Variants in ZMYND8 observed in about 807,000 individuals in gnomAD.
ZMYND8 encodes the protein MYND-type zinc finger-containing chromatin reader ZMYND8.
A neutral mutation model predicts 140.8 loss-of-function variants in ZMYND8; 37 were observed. The observed-to-expected ratio is 0.26, with a 90% CI of 0.20 to 0.35. ZMYND8 has a LOEUF of 0.35. ZMYND8 is among the 10% of genes least tolerant of loss of function. The pLI, the probability that ZMYND8 is intolerant of heterozygous loss-of-function variation, is 1.00. For missense variants in ZMYND8, 1,068 were observed against 1,570.0 expected, an observed-to-expected ratio of 0.68 and a Z score of 5.40; for synonymous variants, 592 against 597.1, an observed-to-expected ratio of 0.99 and a Z score of 0.12.
chr20:47,256,173 A>G (rs758437048), intron 12 of ZMYND8, among the ~76,000 whole-genome samples: 7 of 151,234 alleles, frequency 4.6e-5, no homozygotes, highest in Non-Finnish European at 1.0e-4. Context: ...AGGGAGCAAT[A>G]TCACTTAGAC....
At chr20:47,352,080 ATC>A in intron 1 of ZMYND8, 5 of 881,956 alleles carry the variant, frequency 5.7e-6, no homozygotes, top group Non-Finnish European at 6.8e-6. Context: ...AAGGTTAGGA[ATC>A]GTGCAGCCCC....
chr20:47,249,266 A>AAAACAAAACC (rs1568987995), intron 13 of ZMYND8, 21 bp downstream of exon 13: 3 of 1,604,030 alleles, frequency 1.9e-6, no homozygotes, highest in Non-Finnish European at 2.6e-6. Context: ...CTGGAAAAAA[A>AAAACAAAACC]AAACAAAACC....
At chr20:47,256,438 T>G (rs138674490) in intron 12 of ZMYND8, among the ~76,000 whole-genome samples, 4 of 151,410 alleles carry the variant, frequency 2.6e-5, no homozygotes, top group Non-Finnish European at 5.9e-5. Flanking sequence ...GCTAACACAG[T>G]GAAACCCTGT....
chr20:47,220,379 C>A, intron 20 of ZMYND8, 55 bp from the exon 21 acceptor site: 1 of 1,428,248 alleles, frequency 7.0e-7, no homozygotes, highest in South Asian at 1.2e-5. Flanking sequence ...ACTGTCGCCC[C>A]CACAGGGAAA....
chr20:47,319,401 G>T, intron 2 of ZMYND8: 2 of 225,236 alleles, frequency 8.9e-6, no homozygotes, highest in Non-Finnish European at 1.8e-5. Flanking sequence ...AAACAGCTGT[G>T]GTTTGCATTT....
At chr20:47,293,671 A>G (rs1160861422) in intron 5 of ZMYND8, among the ~76,000 whole-genome samples, 1 of 152,182 alleles carries the variant, frequency 6.6e-6, no homozygotes, top group Non-Finnish European at 1.5e-5. Flanking sequence ...AAGGAGCACA[A>G]AGCTCCCCTT....
intron 1 of ZMYND8, among the ~76,000 whole-genome samples, chr20:47,351,212 CTTCTGA>C (rs2082751411): frequency 6.6e-6 from 1 of 152,164 alleles, no homozygotes; most frequent in Admixed American, 6.6e-5. Flanking sequence ...TGCTTTAAGC[CTTCTGA>C]TTGTTAATTC....
At chr20:47,277,651 TTTTA>T (rs35308600) in intron 10 of ZMYND8, among the ~76,000 whole-genome samples, 29,004 of 147,492 alleles carry the variant, frequency 0.2, 3,529 homozygotes, top group African/African-American at 0.35. Flanking sequence ...AATTAATTCA[TTTTA>T]TTTATTTATT....
intron 2 of ZMYND8, among the ~76,000 whole-genome samples, chr20:47,336,539 A>C (rs1345265385): frequency 6.6e-6 from 1 of 152,230 alleles, no homozygotes; most frequent in Non-Finnish European, 1.5e-5. Context: ...ACGTGAATTC[A>C]ACCCGCGGAG....
At chr20:47,217,524 C>T (rs1372339039) in intron 21 of ZMYND8, among the ~76,000 whole-genome samples, 2 of 152,116 alleles carry the variant, frequency 1.3e-5, no homozygotes, top group Non-Finnish European at 2.9e-5. Flanking sequence ...ATGCCAAGTT[C>T]GTATCCTTCC....
At position 47,216,495 on chromosome 20, in the gene ZMYND8, C is replaced by CAAAAAAAAAAA. The variant is rs10536216; in HGVS notation, c.3484+3752_3484+3762dup. 3.6e-3 allele frequency among the ~76,000 whole-genome samples: 215 copies of CAAAAAAAAAAA among 59,434 alleles called. 12 individuals carry two copies. Among genetic ancestry groups the CAAAAAAAAAAA allele is most frequent in the African/African-American group, 0.013 (209 of 16,344 alleles). The allele number at this position is 59,434 out of a possible 152,430, so 39.0% of individuals were successfully genotyped here. Reference sequence around the variant, plus strand: ...GGACAACAGAGCGAAGACTCTGTCTCAAAAAAAAAAAAAAAAAAAAAAAGG... The same window carrying CAAAAAAAAAAA: ...GGACAACAGAGCGAAGACTCTGTCTCAAAAAAAAAAAAAAAAAAAAAAAAAAAAAAAAAAGG... On this transcript the variant is annotated intron_variant, in intron 21 of 22. Coordinates refer to ENST00000471951, the MANE Select transcript of ZMYND8 (RefSeq NM_001281775.3).
intron 3 of ZMYND8, among the ~76,000 whole-genome samples, chr20:47,308,502 T>C (rs2078677867): frequency 6.6e-6 from 1 of 152,196 alleles, no homozygotes; most frequent in South Asian, 2.1e-4. Context: ...ATTACAGGCA[T>C]GAGCCACCGC....
At chr20:47,339,717 C>A (rs932081398) in intron 2 of ZMYND8, among the ~76,000 whole-genome samples, 5 of 152,178 alleles carry the variant, frequency 3.3e-5, no homozygotes, top group Non-Finnish European at 5.9e-5. Flanking sequence ...ACCTCATGAT[C>A]CGCCCACCTC....
chr20:47,240,100 G>C (rs181946486), intron 14 of ZMYND8, among the ~76,000 whole-genome samples: 2 of 146,052 alleles, frequency 1.4e-5, no homozygotes, highest in East Asian at 1.9e-4. Flanking sequence ...TTAGCCAGAC[G>C]TGGTGGGAAA....
chr20:47,210,979 C>T, intron 22 of ZMYND8, 82 bp from the exon 23 acceptor site: 7 of 1,549,938 alleles, frequency 4.5e-6, no homozygotes, highest in Non-Finnish European at 6.1e-6. Flanking sequence ...CCTGCCCCTC[C>T]TGCACAGGAA....
chr20:47,280,351 T>G (rs2076530515), intron 10 of ZMYND8, among the ~76,000 whole-genome samples: 2 of 152,182 alleles, frequency 1.3e-5, no homozygotes, highest in South Asian at 4.2e-4. Flanking sequence ...TGCTGCTTTC[T>G]TTTTCACAAA....
chr20:47,275,938 C>T (rs2076231274), intron 11 of ZMYND8, among the ~76,000 whole-genome samples: 1 of 152,112 alleles, frequency 6.6e-6, no homozygotes, highest in Non-Finnish European at 1.5e-5. Flanking sequence ...ATGTGTTTCT[C>T]TAAGATTTGC....
chr20:47,268,536 G>A (rs970660119), intron 11 of ZMYND8, among the ~76,000 whole-genome samples: 9 of 151,528 alleles, frequency 5.9e-5, no homozygotes, highest in East Asian at 4.0e-4. Flanking sequence ...CTCGTGATCC[G>A]CCCGCCTCGG....
intron 14 of ZMYND8, among the ~76,000 whole-genome samples, chr20:47,245,263 T>A (rs1460147354): frequency 6.6e-6 from 1 of 152,104 alleles, no homozygotes; most frequent in Non-Finnish European, 1.5e-5. Flanking sequence ...GCTTTTTTTT[T>A]AGAGAGGGAG....
Sources: gnomAD v4.1 joint callset for allele counts (sites outside exome capture counted in the v4.1 genomes callset) on GRCh38, gnomAD v4.1.1 for gene constraint, MANE v1.5 for transcripts, NCBI Gene and HGNC (gene_info 2026-07-23, HGNC 2026-07-21) for gene names.